LILRB1: variants seen among roughly 807,000 people sequenced by gnomAD.
LILRB1 encodes the protein leukocyte immunoglobulin like receptor B1, also known as leukocyte immunoglobulin-like receptor subfamily B member 1.
LILRB1 carries 59 observed loss-of-function variants against 74.6 expected under a neutral mutation model. That is an observed-to-expected ratio of 0.79 (90% confidence interval 0.64 to 0.98). LILRB1 has a LOEUF of 0.98. Ranked by LOEUF, LILRB1 falls within the 50% of genes least tolerant of loss-of-function variation. LILRB1 has a pLI of 0.00. For synonymous variants in LILRB1, 328 were observed against 333.9 expected, an observed-to-expected ratio of 0.98 and a Z score of 0.19; for missense variants, 804 against 822.6, an observed-to-expected ratio of 0.98 and a Z score of 0.28.
chr19:54,627,766 C>T (rs781750834), upstream of LILRB1, among the ~76,000 whole-genome samples: 2 of 152,152 alleles, frequency 1.3e-5, no homozygotes, highest in Non-Finnish European at 2.9e-5. Flanking sequence ...TGGTGCTTTT[C>T]CTCTACTCTC....
rs139400692 is a variant in LILRB1, at chr19:54,635,277, T to C, written c.1581T>C (p.Asp527=). 24,836 of 1,562,460 alleles carry C rather than the reference T, an allele frequency of 0.016. 1,160 individuals are homozygous for C. Among genetic ancestry groups the C allele is most frequent in the South Asian group, 0.021 (1,865 of 88,480 alleles). ...GLQWRSSPAA[D]AQEENLYAAV... is the part of the protein sequence containing the mutation. ...CCCCCAGGTCCAGCCCAGCTGCCGA[T>C]GCCCAGGAAGAAAACCTCTGTGAGT... is the stretch of plus-strand genomic sequence containing the variant. Residue 527 remains aspartate (D), a synonymous_variant, in exon 12 of 15, where the codon GAT becomes GAC. Coordinates refer to ENST00000324602, the MANE Select transcript of LILRB1 (RefSeq NM_001081637.3).
intron 12 of LILRB1, 85 bp from the exon 13 acceptor site, chr19:54,635,472 A>C (rs2146294113): frequency 6.5e-7 from 1 of 1,547,668 alleles, no homozygotes; most frequent in South Asian, 1.2e-5. Context: ...CAGTGGCCCC[A>C]TCTGGGAGCT....
At chr19:54,623,752 G>T (rs1410109697) in intron 1 of LILRB1, among the ~76,000 whole-genome samples, 1 of 152,334 alleles carries the variant, frequency 6.6e-6, no homozygotes, top group South Asian at 2.1e-4. Flanking sequence ...ATTTTTCACA[G>T]CGTCAGAATC....
At chr19:54,625,674 T>TCGCA (rs1342871335), upstream of LILRB1, among the ~76,000 whole-genome samples, 2 of 140,648 alleles carry the variant, frequency 1.4e-5, no homozygotes, top group Non-Finnish European at 3.1e-5. Flanking sequence ...TTAGGGACCC[T>TCGCA]CTCACTCACC....
chr19:54,618,109 AAAAAAAG>A (rs3067354), intron 1 of LILRB1, among the ~76,000 whole-genome samples: 2,815 of 146,032 alleles, frequency 0.019, 31 homozygotes, highest in Non-Finnish European at 0.031. Context: ...TCAAAAAAAA[AAAAAAAG>A]AAAAAAAGAA....
At chr19:54,624,254 G>C (rs376629604) in intron 1 of LILRB1, among the ~76,000 whole-genome samples, 3 of 152,340 alleles carry the variant, frequency 2.0e-5, no homozygotes, top group East Asian at 3.9e-4. Context: ...GTCTCTGCGG[G>C]GGGTGAAGGA....
Position 54,634,752 on chromosome 19 carries a change from A to G in LILRB1, c.1475A>G (p.His492Arg). Residue 492 changes from histidine (H) to arginine (R), a missense_variant, in exon 10 of 15, where the codon CAC becomes CGC. Transcript: ENST00000324602. ...CTCCGACATCGACGTCAGGGCAAAC[A>G]CTGGACATCGAGTGAGTAGGGAATG... ...LILRHRRQGK[H>R]WTSTQRKADF... 1 of 1,613,768 alleles carries G rather than the reference A, an allele frequency of 6.2e-7. No homozygotes were observed. Among genetic ancestry groups the G allele is most frequent in the South Asian group, 1.1e-5 (1 of 91,018 alleles).
At chr19:54,632,885 G>A in intron 6 of LILRB1, 125 bp downstream of exon 6, 1 of 1,541,292 alleles carries the variant, frequency 6.5e-7, no homozygotes, top group Non-Finnish European at 8.8e-7. Flanking sequence ...GACAGAGACA[G>A]GGGATGGGCG....
In LILRB1 at chr19:54,631,446, TCTGCTGG is replaced by T. The variant is rs1441707793; in HGVS notation, c.71-53_71-47del. 4.2e-4 allele frequency: 668 copies of T among 1,599,808 alleles called. 2 individuals are homozygous for T. The African/African-American group carries it at 8.3e-3, about 20-fold the overall frequency. On this transcript the variant is annotated intron_variant, in intron 3 of 14. Coordinates refer to ENST00000324602, the MANE Select transcript of LILRB1 (RefSeq NM_001081637.3). ...GAGGGTCCTGGGCTGAGAGCTGGAA[TCTGCTGG>T]GTTGGGTGGGAAATGAGTTAGAATC...
intron 1 of LILRB1, among the ~76,000 whole-genome samples, chr19:54,617,559 G>C (rs1176668857): frequency 3.4e-5 from 5 of 145,018 alleles, no homozygotes; most frequent in Non-Finnish European, 7.4e-5. Context: ...ATGTCTGTGT[G>C]TGTGTGTGTG....
intron 1 of LILRB1, among the ~76,000 whole-genome samples, chr19:54,617,589 G>GGT (rs1555789264): frequency 3.9e-5 from 5 of 127,484 alleles, no homozygotes; most frequent in Admixed American, 2.3e-4. Flanking sequence ...GTGTGTGTGT[G>GGT]GTGTGTGTGT....
chr19:54,619,189 A>G (rs1033070802), intron 1 of LILRB1, among the ~76,000 whole-genome samples: 5 of 152,180 alleles, frequency 3.3e-5, no homozygotes, highest in Admixed American at 1.3e-4. Flanking sequence ...TGAAAAGGAA[A>G]GTAATTTTAC....
chr19:54,628,769 C>T (rs998319853), upstream of LILRB1, among the ~76,000 whole-genome samples: 11 of 152,098 alleles, frequency 7.2e-5, no homozygotes, highest in African/African-American at 2.4e-4. Flanking sequence ...CCACAAGGAA[C>T]AGGCTGAGAC....
chr19:54,628,096 T>C (rs1251728712), upstream of LILRB1, among the ~76,000 whole-genome samples: 3 of 152,118 alleles, frequency 2.0e-5, no homozygotes, highest in Non-Finnish European at 4.4e-5. Context: ...TCTGTATTTG[T>C]CCCGATTGGC....
chr19:54,637,059 C>A lies in LILRB1; in HGVS notation c.*181C>A. 3.0e-6 allele frequency: 2 copies of A among 663,880 alleles called. No individual in the cohort carries two copies. Among genetic ancestry groups the A allele is most frequent in the Non-Finnish European group, 5.0e-6 (2 of 401,408 alleles). 41.1% of individuals were successfully genotyped at this position (663,880 alleles called of 1,614,324 possible). On this transcript the variant is annotated 3_prime_UTR_variant, in exon 15 of 15. Transcript: ENST00000324602. ...ATGTCTCTACAATTTTGAAATAAAGCAACAGACTTCTCAATAATCAATGAA... is the reference window on the plus strand; with the variant it reads ...ATGTCTCTACAATTTTGAAATAAAGAAACAGACTTCTCAATAATCAATGAA...
In LILRB1 at chr19:54,631,912, C is replaced by T. The variant is rs376721382; in HGVS notation, c.359-23C>T. On this transcript the variant is annotated intron_variant, in intron 4 of 14. Coordinates refer to ENST00000324602, the MANE Select transcript of LILRB1 (RefSeq NM_001081637.3). Reference sequence around the variant, plus strand: ...CGCGGGTGGTCTGAGCCACATTTAACACGGTGCCTCCTTCTCTCCTAGGAG... The same window carrying T: ...CGCGGGTGGTCTGAGCCACATTTAATACGGTGCCTCCTTCTCTCCTAGGAG... 6.2e-6 allele frequency: 10 copies of T among 1,610,402 alleles called. No homozygotes were observed. In the African/African-American group the frequency reaches 1.2e-4, roughly 19 times the overall value.
Position 54,636,237 on chromosome 19 carries a change from A to G in LILRB1, c.1654-257A>G, listed in dbSNP as rs868564946. ...CGAGCCCCTGCAGGCAGAGGAAACA[A>G]CCCTGCAAAGGCCCCCAGGCAGCAG... is the stretch of plus-strand genomic sequence containing the variant. On this transcript the variant is annotated intron_variant, in intron 13 of 14. Transcript: ENST00000324602. 1,320 of 648,350 alleles carry G rather than the reference A, an allele frequency of 2.0e-3. 3 individuals are homozygous for G. Among genetic ancestry groups the G allele is most frequent in the African/African-American group, 4.9e-3 (267 of 54,160 alleles). The allele number at this position is 648,350 out of a possible 1,614,324, so 40.2% of individuals were successfully genotyped here. A position where few individuals can be genotyped will look rare whatever the true frequency, so the allele number is the denominator to read the frequency against.
Position 54,633,092 on chromosome 19 carries a change from G to A in LILRB1, c.1035G>A (p.Leu345=). The change falls in exon 7 of 15, where the codon CTG becomes CTA. Residue 345 remains leucine (L), a synonymous_variant. Transcript: ENST00000324602. ...TVASGENVTL[L]CQSQGWMQTF... ...CCTCAGGAGAGAACGTGACCCTGCT[G>A]TGTCAGTCACAGGGATGGATGCAAA... 2 of 1,614,272 alleles carry A rather than the reference G, an allele frequency of 1.2e-6. No homozygotes were observed. Among genetic ancestry groups the A allele is most frequent in the Non-Finnish European group, 1.7e-6 (2 of 1,180,034 alleles).
chr19:54,634,632 G>A lies in LILRB1; in HGVS notation c.1364-9G>A, dbSNP rs770793995. 31 of 1,610,604 alleles carry A rather than the reference G, an allele frequency of 1.9e-5. No individual in the cohort carries two copies. Among genetic ancestry groups the A allele is most frequent in the Middle Eastern group, 3.3e-4 (2 of 6,064 alleles). On this transcript the variant is annotated splice_polypyrimidine_tract_variant and intron_variant, in intron 9 of 14. Coordinates refer to ENST00000324602, the MANE Select transcript of LILRB1 (RefSeq NM_001081637.3). ...CATCACCCCCATCCCTGACATCATC[G>A]TGCTCAAGGTCTGGGAAGGCACCTG...
Sources: allele counts gnomAD v4.1 joint callset (sites outside exome capture counted in the v4.1 genomes callset), GRCh38; gene constraint gnomAD v4.1.1; transcripts MANE v1.5; gene names NCBI Gene and HGNC (gene_info 2026-07-23, HGNC 2026-07-21).